ZHX3: variants seen among roughly 807,000 people sequenced by gnomAD.
ZHX3 encodes the protein zinc fingers and homeoboxes 3, also known as zinc fingers and homeoboxes protein 3.
In ZHX3, 20 loss-of-function variants were observed where a neutral mutation model predicts 64.5. The observed-to-expected ratio is 0.31, with a 90% CI of 0.22 to 0.45. ZHX3 has a LOEUF of 0.45. Among genes scored for constraint, ZHX3 ranks in the 20% least tolerant of loss-of-function variants. The pLI is 1.00. For synonymous variants in ZHX3, 423 were observed against 461.6 expected, an observed-to-expected ratio of 0.92 and a Z score of 1.07; for missense variants, 1,041 against 1,195.8, an observed-to-expected ratio of 0.87 and a Z score of 1.91.
intron 2 of ZHX3, among the ~76,000 whole-genome samples, chr20:41,243,305 G>A (rs886475714): frequency 2.6e-5 from 4 of 152,114 alleles, no homozygotes; most frequent in Non-Finnish European, 5.9e-5. Flanking sequence ...ATTACCTGAC[G>A]TGGCTGCCTG....
At chr20:41,277,622 C>G (rs576970873) in intron 1 of ZHX3, among the ~76,000 whole-genome samples, 1 of 151,050 alleles carries the variant, frequency 6.6e-6, no homozygotes, top group Admixed American at 6.6e-5. Flanking sequence ...GACAGAGTCT[C>G]GCTCTGTCGC....
intron 1 of ZHX3, among the ~76,000 whole-genome samples, chr20:41,308,943 T>C (rs2045053990): frequency 6.6e-6 from 1 of 152,178 alleles, no homozygotes; most frequent in African/African-American, 2.4e-5. Flanking sequence ...GCTTTCTAAA[T>C]TGCACAACTT....
At chr20:41,289,626 A>G (rs1351741843) in intron 1 of ZHX3, among the ~76,000 whole-genome samples, 3 of 152,102 alleles carry the variant, frequency 2.0e-5, no homozygotes, top group African/African-American at 7.2e-5. Flanking sequence ...ACGTTTGGCT[A>G]TGTCTACCAA....
intron 1 of ZHX3, among the ~76,000 whole-genome samples, chr20:41,301,094 C>T (rs1188105007): frequency 6.6e-6 from 1 of 152,134 alleles, no homozygotes; most frequent in Non-Finnish European, 1.5e-5. Context: ...GAAGTAGAGA[C>T]CATGGATAAG....
chr20:41,184,917 T>C lies in ZHX3; in HGVS notation c.*274A>G, dbSNP rs890207589. The C allele has an allele frequency of 3.9e-6, 6 of 1,536,838 alleles. No individual in the cohort carries two copies. The African/African-American group carries it at 8.2e-5, about 21-fold the overall frequency. On this transcript the variant is annotated 3_prime_UTR_variant, in exon 4 of 4. Coordinates refer to ENST00000683867, the MANE Select transcript of ZHX3 (RefSeq NM_001384317.1). ...TGTCTATGAATATGACTATGAACTC[T>C]GAACTATTTTATCCATTGGAAGGTA...
In ZHX3 at chr20:41,195,801, T is replaced by C. The variant is rs371040128; in HGVS notation, c.2860+6256A>G. ...CTATGTGTCATAAGTTCTGGTATGC[T>C]GTGTTTTCATTTGTCTCAAGGTATT... On this transcript the variant is annotated intron_variant, in intron 3 of 3. Coordinates refer to ENST00000683867, the MANE Select transcript of ZHX3 (RefSeq NM_001384317.1). This position sits in a 1 kb window ranked among gnomAD's most constrained non-coding sequence, Gnocchi z 4.2. Among the ~76,000 whole-genome samples, 2 of 152,346 alleles carry C rather than the reference T, an allele frequency of 1.3e-5. No individual in the cohort carries two copies. Among genetic ancestry groups the C allele is most frequent in the South Asian group, 4.1e-4 (2 of 4,832 alleles).
Position 41,203,268 on chromosome 20 carries a change from C to A in ZHX3, c.1649G>T (p.Arg550Leu). 6.2e-7 allele frequency: 1 copy of A among 1,614,134 alleles called. No individual in the cohort carries two copies. Among genetic ancestry groups the A allele is most frequent in the Non-Finnish European group, 8.5e-7 (1 of 1,180,022 alleles). ...CATCGCTCTGGAGCCCTTCAAGTTC[C>A]GGCAGTGGTATCTACGATCACTGAA... ...KWFSDRRYHC[R>L]NLKGSRAMIP... is the part of the protein sequence containing the mutation. Residue 550 changes from arginine (R) to leucine (L), a missense_variant, in exon 3 of 4, where the codon CGG becomes CTG. Physicochemically the swap from Arg to Leu is moderately radical, Grantham distance 102. This residue lies in a region of ZHX3 where 649 missense variants were observed against 739.8 expected (regional missense o/e 0.88). Coordinates refer to ENST00000683867, the MANE Select transcript of ZHX3 (RefSeq NM_001384317.1). The surrounding 1 kb of genome is among the most constrained non-coding windows in gnomAD (Gnocchi z 7.1).
intron 2 of ZHX3, among the ~76,000 whole-genome samples, chr20:41,231,653 A>G (rs1600433822): frequency 1.3e-5 from 2 of 152,218 alleles, no homozygotes; most frequent in African/African-American, 4.8e-5. Flanking sequence ...CTCAATCCTT[A>G]GTACAGAGCC....
intron 1 of ZHX3, chr20:41,299,823 A>C (rs886251165): frequency 3.5e-5 from 5 of 142,396 alleles, no homozygotes; most frequent in Non-Finnish European, 6.0e-5. Context: ...ATATTACACC[A>C]CTGCATTCCA....
chr20:41,291,591 C>CTA (rs11472099), intron 1 of ZHX3, among the ~76,000 whole-genome samples: 1 of 150,856 alleles, frequency 6.6e-6, no homozygotes, highest in Non-Finnish European at 1.5e-5. Context: ...TATATATATA[C>CTA]TATATATTTT....
intron 1 of ZHX3, among the ~76,000 whole-genome samples, chr20:41,311,062 C>A (rs1286912377): frequency 6.6e-6 from 1 of 152,142 alleles, no homozygotes; most frequent in Non-Finnish European, 1.5e-5. Context: ...CCCGCCTAGG[C>A]CTCCCAAAGT....
At chr20:41,220,661 A>G (rs993741588) in intron 2 of ZHX3, among the ~76,000 whole-genome samples, 7 of 151,584 alleles carry the variant, frequency 4.6e-5, no homozygotes, top group African/African-American at 1.5e-4. Context: ...TATATGATAC[A>G]GTTTTTTTTG....
In ZHX3 at chr20:41,235,222, C is replaced by T. The variant is rs1343545632; in HGVS notation, c.-150-30156G>A. Reference sequence around the variant, plus strand: ...ACAACAAAACAAACAAACAAAAAAACCGGCTGTGTATAGCTAAAAAACATG... The same window carrying T: ...ACAACAAAACAAACAAACAAAAAAATCGGCTGTGTATAGCTAAAAAACATG... On this transcript the variant is annotated intron_variant, in intron 2 of 3. Coordinates refer to ENST00000683867, the MANE Select transcript of ZHX3 (RefSeq NM_001384317.1). Among the ~76,000 whole-genome samples, 5 of 151,970 alleles carry T rather than the reference C, an allele frequency of 3.3e-5. No homozygotes were observed. The East Asian group carries it at 9.6e-4, about 29-fold the overall frequency.
chr20:41,279,012 C>T (rs2043532085), intron 1 of ZHX3, among the ~76,000 whole-genome samples: 2 of 152,276 alleles, frequency 1.3e-5, no homozygotes, highest in South Asian at 2.1e-4. Flanking sequence ...CTCCTGACCT[C>T]GTGATTTGCC....
chr20:41,313,669 C>T (rs1568970092), intron 1 of ZHX3, among the ~76,000 whole-genome samples: 1 of 143,024 alleles, frequency 7.0e-6, no homozygotes, highest in South Asian at 2.2e-4. Context: ...GAGATCTCAG[C>T]TCACTGCAGG....
At chr20:41,308,168 G>T (rs2045033426) in intron 1 of ZHX3, among the ~76,000 whole-genome samples, 1 of 152,148 alleles carries the variant, frequency 6.6e-6, no homozygotes, top group Admixed American at 6.6e-5. Context: ...TTTCTAAAAG[G>T]GAACAACACT....
chr20:41,308,073 C>T (rs773433439), intron 1 of ZHX3, among the ~76,000 whole-genome samples: 4 of 152,226 alleles, frequency 2.6e-5, no homozygotes, highest in African/African-American at 4.8e-5. Context: ...TGAGCTCTGA[C>T]GGGAGGAAAA....
At chr20:41,248,007 G>A (rs1054372046) in intron 2 of ZHX3, among the ~76,000 whole-genome samples, 3 of 152,182 alleles carry the variant, frequency 2.0e-5, no homozygotes, top group East Asian at 1.9e-4. Flanking sequence ...ATTTGAGACC[G>A]ATGGTATCAG....
intron 2 of ZHX3, among the ~76,000 whole-genome samples, chr20:41,257,919 T>C (rs1176640045): frequency 1.4e-5 from 2 of 144,120 alleles, no homozygotes; most frequent in East Asian, 3.9e-4. Context: ...CCCTTTTTTT[T>C]TTTGAGACGG....
Sources: allele counts gnomAD v4.1 joint callset (sites outside exome capture counted in the v4.1 genomes callset), GRCh38; gene constraint gnomAD v4.1.1; regional missense constraint gnomAD v4.1.1; non-coding constraint Gnocchi (gnomAD v3.1); transcripts MANE v1.5; gene names NCBI Gene and HGNC (gene_info 2026-07-23, HGNC 2026-07-21).